The following NOVA2 variants were observed in gnomAD, a reference collection of about 807,000 sequenced individuals.
The protein encoded by NOVA2 is NOVA alternative splicing regulator 2, also known as RNA-binding protein Nova-2.
Under a neutral mutation model 22.5 loss-of-function variants are expected in NOVA2, and 9 were observed. That is an observed-to-expected ratio of 0.40 (90% CI 0.24 to 0.70). NOVA2 has a LOEUF of 0.70. Ranked by LOEUF, NOVA2 falls within the 30% of genes least tolerant of loss-of-function variation. The probability of loss-of-function intolerance (pLI) is 0.38; values close to 1 mark genes in which losing one functional copy is unlikely to be tolerated. For synonymous variants in NOVA2, 318 were observed against 335.2 expected (o/e 0.95, Z 0.56); for missense variants, 383 against 682.8 (o/e 0.56, Z 4.89).
At position 45,939,805 on chromosome 19, in the gene NOVA2, G is replaced by A. The variant is rs889790269; in HGVS notation, c.*58C>T. The A allele has an allele frequency of 1.3e-5, 20 of 1,598,024 alleles. No homozygotes were observed. The highest frequency in any genetic ancestry group is 6.7e-5 in the African/African-American group (5 of 74,552). The stretch of plus-strand genomic sequence containing the variant: ...GAGGTCAGGAGTTGGGGGGGAGGAG[G>A]AGAGGGAAGAGGAGGAGATGGGAGG... On this transcript the variant is annotated 3_prime_UTR_variant, in exon 4 of 4. Coordinates refer to ENST00000263257, the MANE Select transcript of NOVA2 (RefSeq NM_002516.4).
rs1035453282 is a variant in NOVA2, at chr19:45,934,227, C to T, written c.*5636G>A. On this transcript the variant is annotated 3_prime_UTR_variant, in exon 4 of 4. Coordinates refer to ENST00000263257, the MANE Select transcript of NOVA2 (RefSeq NM_002516.4). Reference sequence around the variant, plus strand: ...CTGGAGAGGAGGCTACCTTAAGGTCCTAAGAAGGATTTAGCAATCGGTTCT... The same window carrying T: ...CTGGAGAGGAGGCTACCTTAAGGTCTTAAGAAGGATTTAGCAATCGGTTCT... The T allele has an allele frequency of 6.6e-6, 1 of 152,222 alleles. No individual in the cohort carries two copies. Among genetic ancestry groups the T allele is most frequent in the Admixed American group, 6.6e-5 (1 of 15,264 alleles). The allele number at this position is 152,222 out of a possible 1,614,324, so 9.4% of individuals were successfully genotyped here. A position where few individuals can be genotyped will look rare whatever the true frequency, so the allele number is the denominator to read the frequency against.
chr19:45,969,511 A>G (rs1285981614), intron 1 of NOVA2, among the ~76,000 whole-genome samples: 2 of 84,830 alleles, frequency 2.4e-5, no homozygotes, highest in African/African-American at 4.0e-5. Context: ...CTGTCTCAGA[A>G]AAAAAAAAAA....
In NOVA2 at chr19:45,936,979, AT is replaced by A. The variant is rs1422245321; in HGVS notation, c.*2883del. On this transcript the variant is annotated 3_prime_UTR_variant, in exon 4 of 4. Coordinates refer to ENST00000263257, the MANE Select transcript of NOVA2 (RefSeq NM_002516.4). ...CTCTGGACAAACTGCAGCACAAAAG[AT>A]TGAGGTCAGATTGCAGAAGGGACTT... is the stretch of plus-strand genomic sequence containing the variant. The A allele has an allele frequency of 6.6e-6, 1 of 152,120 alleles. No homozygotes were observed. Among genetic ancestry groups the A allele is most frequent in the Non-Finnish European group, 1.5e-5 (1 of 68,028 alleles). The allele number at this position is 152,120 out of a possible 1,614,324, so 9.4% of individuals were successfully genotyped here. A position where few individuals can be genotyped will look rare whatever the true frequency, so the allele number is the denominator to read the frequency against.
Position 45,973,551 on chromosome 19 carries a change from G to C in NOVA2, c.-200C>G. The C allele has an allele frequency of 1.3e-5, 1 of 79,630 alleles. No individual in the cohort carries two copies. The highest frequency in any genetic ancestry group is 4.8e-5 in the African/African-American group (1 of 20,640). The allele number at this position is 79,630 out of a possible 1,614,324, so 4.9% of individuals were successfully genotyped here. ...GGCGGCCATCATCCTCATGGTGGGG[G>C]GGGGCGGGGGGCGGGGGGCGGGGGA... On this transcript the variant is annotated 5_prime_UTR_variant, in exon 1 of 4. Coordinates refer to ENST00000263257, the MANE Select transcript of NOVA2 (RefSeq NM_002516.4).
intron 1 of NOVA2, among the ~76,000 whole-genome samples, chr19:45,965,052 C>T (rs578119191): frequency 1.3e-5 from 2 of 152,282 alleles, no homozygotes; most frequent in African/African-American, 2.4e-5. Flanking sequence ...TAACCCCTCT[C>T]TGGTGCCTTC....
At chr19:45,957,556 T>C (rs888020506) in intron 2 of NOVA2, among the ~76,000 whole-genome samples, 1 of 137,370 alleles carries the variant, frequency 7.3e-6, no homozygotes, top group Non-Finnish European at 1.6e-5. Context: ...AAAAAAAAAG[T>C]AGCTGGGCCT....
chr19:45,961,376 G>A (rs1968093803), intron 1 of NOVA2, among the ~76,000 whole-genome samples: 1 of 152,220 alleles, frequency 6.6e-6, no homozygotes, highest in East Asian at 1.9e-4. Flanking sequence ...AAAGCTCCCC[G>A]ATTTGTGGGC....
chr19:45,973,108 C>T (rs1423188670), intron 1 of NOVA2, among the ~76,000 whole-genome samples, 159 bp downstream of exon 1: 1 of 139,262 alleles, frequency 7.2e-6, no homozygotes. Context: ...AGGAGGGGGT[C>T]CAGCCCCCTC....
intron 3 of NOVA2, among the ~76,000 whole-genome samples, chr19:45,953,481 G>C (rs888541044): frequency 1.3e-5 from 2 of 152,182 alleles, no homozygotes; most frequent in South Asian, 2.1e-4. Context: ...AGGTGGAAGA[G>C]AGAAGAGGAA....
Position 45,973,312 on chromosome 19 carries a change from C to A in NOVA2, c.40G>T (p.Glu14Ter). The A allele has an allele frequency of 7.6e-7, 1 of 1,317,180 alleles. No homozygotes were observed. Among genetic ancestry groups the A allele is most frequent in the Non-Finnish European group, 9.7e-7 (1 of 1,027,292 alleles). The allele number at this position is 1,317,180 out of a possible 1,614,324, so 81.6% of individuals were successfully genotyped here. A position where few individuals can be genotyped will look rare whatever the true frequency, so the allele number is the denominator to read the frequency against. ...EAPDSRKRPL[E>*]TPPEVVCTKR... ...GTGCAGACCACCTCGGGGGGCGTTT[C>A]GAGGGGCCTCTTGCGGGAATCCGGG... Residue 14 changes from glutamate (E) to a stop codon, truncating the protein, a stop_gained, in exon 1 of 4, where the codon GAA becomes TAA. Transcript: ENST00000263257. LOFTEE classifies it high-confidence loss of function.
At chr19:45,948,434 C>T (rs1967873146) in intron 3 of NOVA2, among the ~76,000 whole-genome samples, 1 of 151,788 alleles carries the variant, frequency 6.6e-6, no homozygotes, top group Non-Finnish European at 1.5e-5. Context: ...CCCGTCTCTA[C>T]TAAAAATACA....
At chr19:45,968,415 T>C (rs568804869) in intron 1 of NOVA2, among the ~76,000 whole-genome samples, 5 of 151,934 alleles carry the variant, frequency 3.3e-5, no homozygotes, top group African/African-American at 1.2e-4. Context: ...TGGTGTGAAA[T>C]GCAATACAAC....
rs1967650985 is a variant in NOVA2 at position 45,936,263 on chromosome 19, T to A, written c.*3600A>T. The A allele has an allele frequency of 6.6e-6, 1 of 152,124 alleles. No individual in the cohort carries two copies. Among genetic ancestry groups the A allele is most frequent in the South Asian group, 2.1e-4 (1 of 4,838 alleles). 9.4% of individuals were successfully genotyped at this position (152,124 alleles called of 1,614,324 possible). ...CTTGTCTCCTCCTCCCCAGTTTCCA[T>A]AGATTTGCCAGGAAGTTGGCAAGTG... is the stretch of plus-strand genomic sequence containing the variant. On this transcript the variant is annotated 3_prime_UTR_variant, in exon 4 of 4. Coordinates refer to ENST00000263257, the MANE Select transcript of NOVA2 (RefSeq NM_002516.4).
intron 3 of NOVA2, among the ~76,000 whole-genome samples, chr19:45,949,682 T>C (rs1021441427): frequency 6.6e-6 from 1 of 151,532 alleles, no homozygotes; most frequent in African/African-American, 2.4e-5. Flanking sequence ...CTCTCTGGAG[T>C]CACTCAGTCA....
At chr19:45,956,144 C>T (rs542314395) in intron 2 of NOVA2, among the ~76,000 whole-genome samples, 1 of 152,282 alleles carries the variant, frequency 6.6e-6, no homozygotes, top group African/African-American at 2.4e-5. Context: ...ACCCCCCCTT[C>T]CCCACCCCAG....
Position 45,940,832 on chromosome 19 carries a change from C to A in NOVA2, c.510G>T (p.Pro170=), listed in dbSNP as rs772334065. The A allele has an allele frequency of 1.9e-6, 3 of 1,605,978 alleles. No individual in the cohort carries two copies. Among genetic ancestry groups the A allele is most frequent in the South Asian group, 1.1e-5 (1 of 91,074 alleles). The change falls in exon 4 of 4, where the codon CCG becomes CCT. Residue 170 remains proline (P), a synonymous_variant. Transcript: ENST00000263257. ...CGCGCTCCTGCAGGTTGATGCCCTC[C>A]GGCTTCTGGGACAGCTGCACCCATG... ...SGAWVQLSQK[P]EGINLQERVV...
At chr19:45,961,834 C>T (rs954307450) in intron 1 of NOVA2, among the ~76,000 whole-genome samples, 5 of 152,114 alleles carry the variant, frequency 3.3e-5, no homozygotes, top group Non-Finnish European at 5.9e-5. Context: ...GAGGAAGGAA[C>T]GGAACCACAT....
intron 2 of NOVA2, 131 bp downstream of exon 2, chr19:45,960,879 A>G (rs57398989): frequency 0.75 from 686,164 of 920,838 alleles, 257,168 homozygotes; most frequent in East Asian, 0.81. Flanking sequence ...CCCTTAGGGG[A>G]AGGGGAGGCC....
At position 45,972,113 on chromosome 19, in the gene NOVA2, C is replaced by A. The variant is rs146842559; in HGVS notation, c.85+1154G>T. ...ACACACACACCTCTCCTTGTTACAC[C>A]CATACACACAGCTGGGTGTCATATG... On this transcript the variant is annotated intron_variant, in intron 1 of 3. Transcript: ENST00000263257. 5.1e-3 allele frequency among the ~76,000 whole-genome samples: 777 copies of A among 152,056 alleles called. 6 individuals are homozygous for A. Among genetic ancestry groups the A allele is most frequent in the Middle Eastern group, 0.014 (4 of 294 alleles).
Sources: gnomAD v4.1 joint callset for allele counts (sites outside exome capture counted in the v4.1 genomes callset) on GRCh38, gnomAD v4.1.1 for gene constraint, MANE v1.5 for transcripts, NCBI Gene and HGNC (gene_info 2026-07-23, HGNC 2026-07-21) for gene names.